RARB: variants seen among roughly 807,000 people sequenced by gnomAD.
RARB encodes the protein HBV-activated protein.
Under a neutral mutation model 51.9 loss-of-function variants are expected in RARB, and 17 were observed. The observed-to-expected ratio is 0.33, with a 90% CI of 0.22 to 0.49. The LOEUF (loss-of-function observed/expected upper bound fraction) is 0.49, where lower values mean the gene tolerates loss of function less well. Ranked by LOEUF, RARB falls within the 20% of genes least tolerant of loss-of-function variation. RARB has a pLI of 0.99. For synonymous variants in RARB, 215 were observed against 195.4 expected (o/e 1.10, Z -0.84); for missense variants, 369 against 550.8 (o/e 0.67, Z 3.30).
At chr3:24,933,282 AT>A (rs34814817) in intron 2 of RARB, among the ~76,000 whole-genome samples, 6,232 of 150,004 alleles carry the variant, frequency 0.042, 161 homozygotes, top group Middle Eastern at 0.086. Context: ...TTCACTATAC[AT>A]TTTTTTTTTA....
chr3:25,534,400 C>T (rs1041079101), intron 3 of RARB, among the ~76,000 whole-genome samples: 2 of 152,092 alleles, frequency 1.3e-5, no homozygotes, highest in African/African-American at 4.8e-5. Context: ...TCCTCAGTTA[C>T]CTTACTGAGT....
intron 5 of RARB, among the ~76,000 whole-genome samples, chr3:25,210,365 A>T: frequency 6.6e-6 from 1 of 151,966 alleles, no homozygotes; most frequent in Non-Finnish European, 1.5e-5. Flanking sequence ...TTATGACCAC[A>T]GGCCAAATCC....
chr3:24,953,079 G>C (rs1695933341), intron 2 of RARB, among the ~76,000 whole-genome samples: 2 of 152,090 alleles, frequency 1.3e-5, no homozygotes, highest in Non-Finnish European at 2.9e-5. Flanking sequence ...ATCTTCTAGG[G>C]AGAGCTAGTA....
At position 25,523,810 on chromosome 3, in the gene RARB, T is replaced by C. The variant is rs148174327; in HGVS notation, c.448+22487T>C. 5.2e-4 allele frequency among the ~76,000 whole-genome samples: 79 copies of C among 152,326 alleles called. No individual in the cohort carries two copies. In the East Asian group the frequency reaches 0.014, roughly 27 times the overall value. Reference sequence around the variant, plus strand: ...AAGGGGGAAAAAATAACCATAAAACTTCTGCAGCAATTTTTACAAACTTTT... The same window carrying C: ...AAGGGGGAAAAAATAACCATAAAACCTCTGCAGCAATTTTTACAAACTTTT... On this transcript the variant is annotated intron_variant, in intron 3 of 7. Coordinates refer to ENST00000330688, the MANE Select transcript of RARB (RefSeq NM_000965.5).
At chr3:24,980,437 A>C (rs2125425192) in intron 2 of RARB, among the ~76,000 whole-genome samples, 1 of 152,238 alleles carries the variant, frequency 6.6e-6, no homozygotes, top group East Asian at 1.9e-4. Context: ...CTTTTCACAT[A>C]GTCCCATATT....
chr3:25,030,343 A>G (rs760482668), intron 2 of RARB, among the ~76,000 whole-genome samples: 2 of 152,212 alleles, frequency 1.3e-5, no homozygotes, highest in Admixed American at 6.5e-5. Flanking sequence ...AAAAATGACT[A>G]TTAAGCTAGG....
intron 3 of RARB, among the ~76,000 whole-genome samples, chr3:25,097,670 C>A (rs927569153): frequency 6.6e-6 from 1 of 152,102 alleles, no homozygotes. Context: ...CTAATTCTTA[C>A]CTAATGGAGA....
intron 2 of RARB, among the ~76,000 whole-genome samples, chr3:24,955,006 A>G (rs1049394411): frequency 2.0e-5 from 3 of 152,144 alleles, no homozygotes; most frequent in African/African-American, 4.8e-5. Context: ...TAACCAGCTC[A>G]ATGGAGAGTC....
At chr3:25,097,150 T>C (rs1469916462) in intron 3 of RARB, among the ~76,000 whole-genome samples, 3 of 152,196 alleles carry the variant, frequency 2.0e-5, no homozygotes, top group African/African-American at 7.2e-5. Flanking sequence ...CCCTTCATGT[T>C]GCCATACTTT....
At chr3:25,265,535 C>T (rs1008837259) in intron 5 of RARB, among the ~76,000 whole-genome samples, 3 of 152,158 alleles carry the variant, frequency 2.0e-5, no homozygotes, top group Non-Finnish European at 4.4e-5. Flanking sequence ...TGCAGTGGTG[C>T]AACCTCAGCT....
chr3:25,203,502 AGTTGATGCAGTTTCTTCCTAG>A (rs1343134717), intron 5 of RARB, among the ~76,000 whole-genome samples: 1 of 152,162 alleles, frequency 6.6e-6, no homozygotes, highest in Non-Finnish European at 1.5e-5. Context: ...TTTGCTCATT[AGTTGATGCAGTTTCTTCCTAG>A]CCTTGATGGT....
intron 4 of RARB, among the ~76,000 whole-genome samples, chr3:25,574,909 G>A (rs1381441522): frequency 6.6e-6 from 1 of 152,150 alleles, no homozygotes; most frequent in Non-Finnish European, 1.5e-5. Context: ...TAGAAGGTCA[G>A]TGGGGGCCAC....
intron 5 of RARB, among the ~76,000 whole-genome samples, chr3:25,335,937 C>A (rs928066157): frequency 6.6e-6 from 1 of 152,030 alleles, no homozygotes; most frequent in Admixed American, 6.6e-5. Context: ...AATAAATGTT[C>A]ATTTATTTGA....
intron 5 of RARB, among the ~76,000 whole-genome samples, chr3:25,299,587 C>T (rs566597006): frequency 3.3e-5 from 5 of 152,236 alleles, no homozygotes; most frequent in African/African-American, 1.2e-4. Context: ...CTTCATATCA[C>T]ATTTAATTGT....
intron 2 of RARB, among the ~76,000 whole-genome samples, chr3:25,038,715 T>A (rs1172135533): frequency 6.6e-6 from 1 of 152,204 alleles, no homozygotes; most frequent in East Asian, 1.9e-4. Context: ...TGTCCTTTTT[T>A]TCTTAACATA....
chr3:25,594,783 G>C (rs920127479), intron 7 of RARB, 105 bp downstream of exon 7: 7 of 1,022,248 alleles, frequency 6.8e-6, no homozygotes, highest in Non-Finnish European at 6.4e-6. Context: ...TGCTTTTAAA[G>C]TCTTGGAACT....
intron 4 of RARB, among the ~76,000 whole-genome samples, chr3:25,132,925 C>A (rs1451085650): frequency 8.3e-6 from 1 of 120,628 alleles, no homozygotes; most frequent in Non-Finnish European, 1.8e-5. Flanking sequence ...CAAGGACTTA[C>A]TCCATATTTA....
At chr3:24,942,036 G>A (rs1009738285) in intron 2 of RARB, among the ~76,000 whole-genome samples, 1 of 152,210 alleles carries the variant, frequency 6.6e-6, no homozygotes, top group Non-Finnish European at 1.5e-5. Context: ...CCATATTGAT[G>A]TGAAAGGTTT....
intron 3 of RARB, among the ~76,000 whole-genome samples, chr3:25,568,572 C>G (rs1700586221): frequency 6.6e-6 from 1 of 152,130 alleles, no homozygotes; most frequent in African/African-American, 2.4e-5. Flanking sequence ...CTGCTATTGT[C>G]TTACTCTGCC....
Sources: gnomAD v4.1 joint callset for allele counts (sites outside exome capture counted in the v4.1 genomes callset) on GRCh38, gnomAD v4.1.1 for gene constraint, MANE v1.5 for transcripts, NCBI Gene and HGNC (gene_info 2026-07-23, HGNC 2026-07-21) for gene names.